PTPRZ1: variants seen among roughly 807,000 people sequenced by gnomAD.
The protein encoded by PTPRZ1 is protein tyrosine phosphatase receptor type Z1.
Under a neutral mutation model 214.1 loss-of-function variants are expected in PTPRZ1, and 82 were observed. The ratio of observed to expected loss-of-function variants is 0.38; its 90% confidence interval spans 0.32 to 0.46. The LOEUF (loss-of-function observed/expected upper bound fraction) is 0.46, where lower values mean the gene tolerates loss of function less well. Among genes scored for constraint, PTPRZ1 ranks in the 20% least tolerant of loss-of-function variants. The pLI, the probability that PTPRZ1 is intolerant of heterozygous loss-of-function variation, is 1.00. For synonymous variants in PTPRZ1, 945 were observed against 987.9 expected, an observed-to-expected ratio of 0.96 and a Z score of 0.81; for missense variants, 2,603 against 2,748.7, an observed-to-expected ratio of 0.95 and a Z score of 1.19.
chr7:121,910,819 T>C (rs969857642), intron 1 of PTPRZ1, among the ~76,000 whole-genome samples: 1 of 152,060 alleles, frequency 6.6e-6, no homozygotes, highest in Admixed American at 6.6e-5. Context: ...TAATGAAAAA[T>C]ATGATTATTT....
At chr7:121,895,551 A>G (rs1794761335) in intron 1 of PTPRZ1, among the ~76,000 whole-genome samples, 2 of 152,204 alleles carry the variant, frequency 1.3e-5, no homozygotes, top group Non-Finnish European at 2.9e-5. Context: ...GATTTTGTTT[A>G]TTACAAGTTG....
At chr7:121,952,299 A>G (rs1796575384) in intron 2 of PTPRZ1, among the ~76,000 whole-genome samples, 1 of 152,056 alleles carries the variant, frequency 6.6e-6, no homozygotes, top group Admixed American at 6.6e-5. Context: ...TTTTAGCATA[A>G]TAAAGACTTG....
chr7:122,011,175 T>A lies in PTPRZ1; in HGVS notation c.2129T>A (p.Met710Lys), dbSNP rs766801174. The change falls in exon 12 of 30, where the codon ATG becomes AAG. Residue 710 changes from methionine (M) to lysine (K), a missense_variant. Transcript: ENST00000393386. The part of the protein sequence containing the change: ...SQGPSVTDLE[M>K]PHYSTFAYFP... ...GGTCCCTCAGTTACAGATCTGGAAA[T>A]GCCACATTATTCTACCTTTGCCTAC... 6 of 1,614,124 alleles carry A rather than the reference T, an allele frequency of 3.7e-6. No homozygotes were observed. The highest frequency in any genetic ancestry group is 5.1e-6 in the Non-Finnish European group (6 of 1,180,014).
At chr7:121,988,760 T>C (rs1294700817) in intron 8 of PTPRZ1, among the ~76,000 whole-genome samples, 3 of 152,212 alleles carry the variant, frequency 2.0e-5, no homozygotes, top group Non-Finnish European at 4.4e-5. Context: ...AAAAAGAGCA[T>C]ATGTGTTATT....
intron 13 of PTPRZ1, among the ~76,000 whole-genome samples, chr7:122,024,563 G>A (rs1199914550): frequency 6.6e-6 from 1 of 151,842 alleles, no homozygotes; most frequent in Non-Finnish European, 1.5e-5. Flanking sequence ...ATATGCAAAT[G>A]ACCTTCATCC....
intron 14 of PTPRZ1, among the ~76,000 whole-genome samples, chr7:122,030,567 T>G (rs1439801061): frequency 6.6e-6 from 1 of 152,054 alleles, no homozygotes; most frequent in African/African-American, 2.4e-5. Flanking sequence ...GATCCACTCA[T>G]CTAAGAGAGA....
chr7:121,935,604 G>A (rs1384086330), intron 2 of PTPRZ1, among the ~76,000 whole-genome samples: 9 of 151,570 alleles, frequency 5.9e-5, no homozygotes, highest in Non-Finnish European at 1.0e-4. Context: ...TCACTCAGTC[G>A]CCCAGGCTGG....
At chr7:121,895,211 T>C (rs959515108) in intron 1 of PTPRZ1, among the ~76,000 whole-genome samples, 2 of 152,116 alleles carry the variant, frequency 1.3e-5, no homozygotes, top group Non-Finnish European at 2.9e-5. Flanking sequence ...AAAGTCTGGC[T>C]GTGACCCTAA....
chr7:121,887,047 T>A (rs1215249476), intron 1 of PTPRZ1, among the ~76,000 whole-genome samples: 1 of 119,828 alleles, frequency 8.3e-6, no homozygotes, highest in Non-Finnish European at 1.7e-5. Context: ...ATTCCTGTTG[T>A]CTTTTACTTT....
chr7:121,899,761 TGA>T (rs1297540364), intron 1 of PTPRZ1, among the ~76,000 whole-genome samples: 3 of 152,176 alleles, frequency 2.0e-5, no homozygotes. Context: ...ACAGATCCCT[TGA>T]GAGAGTATTA....
Position 121,873,543 on chromosome 7 carries a change from G to C in PTPRZ1, c.44G>C (p.Cys15Ser), listed in dbSNP as rs1358489086. 6.2e-6 allele frequency: 10 copies of C among 1,613,806 alleles called. No homozygotes were observed. The highest frequency in any genetic ancestry group is 1.3e-5 in the African/African-American group (1 of 74,942). ...KRFLACIQLL[C>S]VCRLDWANGY... Reference sequence around the variant, plus strand: ...TTCCTCGCTTGCATTCAGCTCCTCTGTGTTTGCCGCCTGGGTGAGTGAGAA... The same window carrying C: ...TTCCTCGCTTGCATTCAGCTCCTCTCTGTTTGCCGCCTGGGTGAGTGAGAA... Residue 15 changes from cysteine to serine, a missense_variant, in exon 1 of 30, where the codon TGT (cysteine) becomes TCT (serine). Transcript: ENST00000393386.
chr7:121,942,518 C>T (rs753600529), intron 2 of PTPRZ1, among the ~76,000 whole-genome samples: 1 of 152,146 alleles, frequency 6.6e-6, no homozygotes, highest in African/African-American at 2.4e-5. Context: ...AGCTTCAAAA[C>T]GTACATGTTT....
At chr7:121,888,846 C>CT (rs1178348369) in intron 1 of PTPRZ1, among the ~76,000 whole-genome samples, 7 of 152,000 alleles carry the variant, frequency 4.6e-5, no homozygotes, top group Non-Finnish European at 8.8e-5. Context: ...AGAATATTAG[C>CT]TATGTTATTA....
chr7:121,973,317 G>GAT (rs1460840736), intron 4 of PTPRZ1, among the ~76,000 whole-genome samples: 3 of 151,980 alleles, frequency 2.0e-5, no homozygotes, highest in African/African-American at 4.8e-5. Flanking sequence ...GTTTTTGAAT[G>GAT]ATATATATAC....
At chr7:122,058,989 C>T (rs1792473540) in intron 28 of PTPRZ1, 47 bp downstream of exon 28, 1 of 1,493,932 alleles carries the variant, frequency 6.7e-7, no homozygotes, top group Admixed American at 1.8e-5. Context: ...ATTTTCTGGG[C>T]ATATGTATAT....
In PTPRZ1 at chr7:121,900,657, A is replaced by G. The variant is rs140448928; in HGVS notation, c.58+27100A>G. Among the ~76,000 whole-genome samples the G allele has an allele frequency of 1.1e-4, 17 of 152,300 alleles. No homozygotes were observed. The East Asian group carries it at 3.1e-3, about 28-fold the overall frequency. On this transcript the variant is annotated intron_variant, in intron 1 of 29. Transcript: ENST00000393386. Reference sequence around the variant, plus strand: ...TAGATAAGGGTAAGTCATGCTGCCCAATTTATTCAGACGCCTCTTCCTGCC... The same window carrying G: ...TAGATAAGGGTAAGTCATGCTGCCCGATTTATTCAGACGCCTCTTCCTGCC...
At chr7:121,883,414 T>G (rs1393883244) in intron 1 of PTPRZ1, among the ~76,000 whole-genome samples, 2 of 152,216 alleles carry the variant, frequency 1.3e-5, no homozygotes, top group African/African-American at 4.8e-5. Context: ...AGTGAACACA[T>G]GTACTATTGG....
chr7:121,952,396 C>A (rs1796579300), intron 2 of PTPRZ1, among the ~76,000 whole-genome samples: 1 of 151,968 alleles, frequency 6.6e-6, no homozygotes, highest in East Asian at 1.9e-4. Context: ...CCATCCTGGG[C>A]AACATAGAGA....
intron 2 of PTPRZ1, among the ~76,000 whole-genome samples, chr7:121,944,939 G>T (rs966502285): frequency 1.3e-5 from 2 of 152,000 alleles, no homozygotes; most frequent in Non-Finnish European, 2.9e-5. Context: ...ACCATACCCG[G>T]CCCAGATTAC....
Sources: gnomAD v4.1 joint callset for allele counts (sites outside exome capture counted in the v4.1 genomes callset) on GRCh38, gnomAD v4.1.1 for gene constraint, MANE v1.5 for transcripts, NCBI Gene and HGNC (gene_info 2026-07-23, HGNC 2026-07-21) for gene names.